The following FBXL2 variants were observed in gnomAD, a reference collection of about 807,000 sequenced individuals.
FBXL2 encodes the protein F-box/LRR-repeat protein 2.
Under a neutral mutation model 69.2 loss-of-function variants are expected in FBXL2, and 38 were observed. The observed-to-expected ratio is 0.55, with a 90% CI of 0.42 to 0.72. FBXL2 has a LOEUF of 0.72. Among genes scored for constraint, FBXL2 ranks in the 30% least tolerant of loss-of-function variants. The pLI is 0.00. For missense variants in FBXL2, 354 were observed against 520.3 expected (o/e 0.68, Z 3.11); for synonymous variants, 192 against 201.3 (o/e 0.95, Z 0.39).
intron 1 of FBXL2, among the ~76,000 whole-genome samples, chr3:33,282,843 CTGTT>C (rs368651185): frequency 1.2e-4 from 19 of 152,240 alleles, no homozygotes; most frequent in African/African-American, 4.1e-4. Flanking sequence ...ATTTGGCTCT[CTGTT>C]TGTCTGTTAT....
chr3:33,336,684 A>T (rs1232843220), intron 2 of FBXL2, among the ~76,000 whole-genome samples: 2 of 152,188 alleles, frequency 1.3e-5, no homozygotes, highest in African/African-American at 4.8e-5. Context: ...AGGTGGGTGG[A>T]TCACGAGGCC....
chr3:33,408,848 A>T, the FBXL2 span: 37 of 1,437,406 alleles, frequency 2.6e-5, no homozygotes, highest in East Asian at 7.7e-4. Context: ...ATACAAAGAA[A>T]GATCTAACAC....
chr3:33,297,361 T>G (rs966769955), intron 1 of FBXL2, among the ~76,000 whole-genome samples: 2 of 152,200 alleles, frequency 1.3e-5, no homozygotes, highest in African/African-American at 4.8e-5. Context: ...AAATAGAGGT[T>G]GTTTTACTTC....
At chr3:33,393,933 C>T (rs2043865541) in intron 12 of FBXL2, among the ~76,000 whole-genome samples, 1 of 152,002 alleles carries the variant, frequency 6.6e-6, no homozygotes, top group Non-Finnish European at 1.5e-5. Flanking sequence ...GTAAATTATG[C>T]CTGAAGAAAG....
intron 4 of FBXL2, among the ~76,000 whole-genome samples, chr3:33,360,918 CTTTTTTTTTT>C (rs58912118): frequency 7.0e-5 from 4 of 57,118 alleles, no homozygotes; most frequent in East Asian, 1.4e-3. Context: ...ACATGAAGAA[CTTTTTTTTTT>C]TTTTTTTTTT....
At chr3:33,412,790 T>C in the FBXL2 span, 1 of 1,614,118 alleles carries the variant, frequency 6.2e-7, no homozygotes, top group Non-Finnish European at 8.5e-7. Context: ...CTCTGTGTAT[T>C]GTAGCCGTCT....
intron 1 of FBXL2, among the ~76,000 whole-genome samples, chr3:33,287,703 A>G (rs1044325334): frequency 2.6e-5 from 4 of 152,198 alleles, no homozygotes; most frequent in East Asian, 1.9e-4. Context: ...CCAAGGTCAT[A>G]TAGTTAGTGA....
chr3:33,342,665 T>TTGA (rs1307525243), intron 2 of FBXL2, among the ~76,000 whole-genome samples: 2 of 150,682 alleles, frequency 1.3e-5, no homozygotes, highest in African/African-American at 4.8e-5. Flanking sequence ...TAAAATTATT[T>TTGA]TGATTTATTT....
chr3:33,340,325 C>T (rs779059991), intron 2 of FBXL2, among the ~76,000 whole-genome samples: 3 of 151,948 alleles, frequency 2.0e-5, no homozygotes, highest in Non-Finnish European at 4.4e-5. Flanking sequence ...GGCTACTGAA[C>T]ATGCAATAAT....
At chr3:33,373,992 C>T in intron 9 of FBXL2, 71 bp downstream of exon 9, 2 of 1,428,650 alleles carry the variant, frequency 1.4e-6, no homozygotes, top group Middle Eastern at 1.8e-4. Context: ...CTCAGGCCTC[C>T]CTGCAGCCCC....
chr3:33,409,379 G>C, the FBXL2 span: 1 of 1,613,806 alleles, frequency 6.2e-7, no homozygotes, highest in Non-Finnish European at 8.5e-7. Flanking sequence ...TCATCTATCA[G>C]GCTGCAGACA....
intron 2 of FBXL2, among the ~76,000 whole-genome samples, chr3:33,330,914 A>ACAC (rs2039103962): frequency 6.7e-6 from 1 of 149,166 alleles, no homozygotes; most frequent in Non-Finnish European, 1.5e-5. Flanking sequence ...CACACACACA[A>ACAC]ACACACACAC....
rs538570365 is a variant in FBXL2 at position 33,402,229 on chromosome 3, G to A, written n.1215-1005G>A. On this transcript the variant is annotated intron_variant and non_coding_transcript_variant, in intron 12 of 12. Transcript: ENST00000463736. ...GCTGTACCTTCAAGATGCCCCAAAT[G>A]CAGTCTCTTGCTCCCACCCTGAGCT... 2.0e-5 allele frequency among the ~76,000 whole-genome samples: 3 copies of A among 152,278 alleles called. No individual in the cohort carries two copies. The South Asian group carries it at 6.2e-4, about 32-fold the overall frequency.
chr3:33,373,805 C>A, intron 8 of FBXL2, 42 bp from the exon 9 acceptor site: 2 of 1,613,758 alleles, frequency 1.2e-6, no homozygotes, highest in Non-Finnish European at 8.5e-7. Context: ...ACTGTTCCCT[C>A]ACCTGGATTC....
At chr3:33,378,782 T>A in intron 13 of FBXL2, 41 bp downstream of exon 13, 1 of 1,614,066 alleles carries the variant, frequency 6.2e-7, no homozygotes, top group Middle Eastern at 1.6e-4. Flanking sequence ...CTGTTAAAGA[T>A]GAAAGAGCCC....
chr3:33,409,640 T>C, the FBXL2 span: 3 of 1,613,200 alleles, frequency 1.9e-6, no homozygotes, highest in African/African-American at 2.7e-5. Flanking sequence ...TCAAAGAACT[T>C]CCACTGGTTA....
rs1467876051 is a variant in FBXL2, at chr3:33,296,971, ATTAGT to A, written c.4-688_4-684del. On this transcript the variant is annotated intron_variant, in intron 1 of 14. Transcript: ENST00000484457. ...GAGAAAGATTGCATTAAATCTATAG[ATTAGT>A]TTAGGAAGCGTTGCTAACATAACAC... Among the ~76,000 whole-genome samples, 6 of 152,202 alleles carry A rather than the reference ATTAGT, an allele frequency of 3.9e-5. No individual in the cohort carries two copies. The East Asian group carries it at 5.8e-4, about 15-fold the overall frequency.
At position 33,369,465 on chromosome 3, in the gene FBXL2, T is replaced by C. The variant is rs200479582; in HGVS notation, c.291-3627T>C. 7.9e-5 allele frequency among the ~76,000 whole-genome samples: 12 copies of C among 152,320 alleles called. No homozygotes were observed. In the East Asian group the frequency reaches 2.3e-3, roughly 29 times the overall value. On this transcript the variant is annotated intron_variant, in intron 5 of 14. Coordinates refer to ENST00000484457, the MANE Select transcript of FBXL2 (RefSeq NM_012157.5). ...TTTATTGACTGCATCTTTGATTTAG[T>C]ACAGTCTACCTTCATATTGTATTAC... is the stretch of plus-strand genomic sequence containing the variant.
intron 2 of FBXL2, among the ~76,000 whole-genome samples, chr3:33,315,830 CT>C (rs912519116): frequency 7.9e-5 from 12 of 151,164 alleles, no homozygotes; most frequent in African/African-American, 2.4e-4. Context: ...TTATTCTGCT[CT>C]TTTTTTTTCT....
Sources: allele counts gnomAD v4.1 joint callset (sites outside exome capture counted in the v4.1 genomes callset), GRCh38; gene constraint gnomAD v4.1.1; transcripts MANE v1.5; gene names NCBI Gene and HGNC (gene_info 2026-07-23, HGNC 2026-07-21).